The following LILRA5 variants were observed in gnomAD, a reference collection of about 807,000 sequenced individuals.
LILRA5 encodes leukocyte immunoglobulin-like receptor subfamily A member 5.
Under a neutral mutation model 36.3 loss-of-function variants are expected in LILRA5, and 31 were observed. The ratio of observed to expected loss-of-function variants is 0.85; its 90% CI spans 0.64 to 1.15. LILRA5 has a LOEUF of 1.15. LILRA5 is among the 50% of genes most tolerant of loss of function. The probability of loss-of-function intolerance (pLI) is 0.00; values close to 1 mark genes in which losing one functional copy is unlikely to be tolerated. For missense variants in LILRA5, 348 were observed against 377.4 expected, an observed-to-expected ratio of 0.92 and a Z score of 0.64; for synonymous variants, 144 against 144.8, an observed-to-expected ratio of 0.99 and a Z score of 0.04.
At chr19:54,308,391 ATATATATATATATATATG>A (rs2080939704) in intron 5 of LILRA5, 3 of 83,032 alleles carry the variant, frequency 3.6e-5, no homozygotes, top group Non-Finnish European at 7.1e-5. Flanking sequence ...ATATATATAT[ATATATATATATATATATG>A]GTGTTACAGA....
chr19:54,308,901 C>T (rs1011422462), intron 5 of LILRA5: 1 of 151,952 alleles, frequency 6.6e-6, no homozygotes, highest in African/African-American at 2.4e-5. Flanking sequence ...TATAACCATA[C>T]ATAAATATGT....
At position 54,308,466 on chromosome 19, in the gene LILRA5, T is replaced by A. The variant is rs371081761; in HGVS notation, c.713-718A>T. The A allele has an allele frequency of 2.7e-3, 393 of 146,194 alleles. 2 individuals carry two copies. Among genetic ancestry groups the A allele is most frequent in the African/African-American group, 9.5e-3 (382 of 40,250 alleles). The allele number at this position is 146,194 out of a possible 1,614,324, so 9.1% of individuals were successfully genotyped here. A position where few individuals can be genotyped will look rare whatever the true frequency, so the allele number is the denominator to read the frequency against. ...TTTTAGGGCCAGGCGTGGTGGCTCA[T>A]GCCTGTAATCCCAGCACTTTGGGAG... is the stretch of plus-strand genomic sequence containing the variant. On this transcript the variant is annotated intron_variant, in intron 5 of 6. Coordinates refer to ENST00000432233, the MANE Select transcript of LILRA5 (RefSeq NM_021250.4).
intron 5 of LILRA5, chr19:54,310,188 C>T: frequency 6.0e-6 from 1 of 166,604 alleles, no homozygotes; most frequent in Non-Finnish European, 1.3e-5. Flanking sequence ...TCCGTCTGTC[C>T]TCTCTCCAAC....
chr19:54,308,305 G>A (rs1412371133), intron 5 of LILRA5: 3 of 127,144 alleles, frequency 2.4e-5, no homozygotes, highest in Non-Finnish European at 4.8e-5. Context: ...ATATACGTAT[G>A]TATATAAATG....
At position 54,313,079 on chromosome 19, in the gene LILRA5, C is replaced by A. The variant is rs1405094004; in HGVS notation, c.-60G>T. ...GGAAGATGCAGGTCCATGCCACAGG[C>A]AGACTCAGATCAGCAGAGACACATC... is the stretch of plus-strand genomic sequence containing the variant. On this transcript the variant is annotated 5_prime_UTR_variant, in exon 1 of 7. Coordinates refer to ENST00000432233, the MANE Select transcript of LILRA5 (RefSeq NM_021250.4). 3 of 1,484,238 alleles carry A rather than the reference C, an allele frequency of 2.0e-6. No homozygotes were observed. Among genetic ancestry groups the A allele is most frequent in the East Asian group, 2.3e-5 (1 of 44,428 alleles). 91.9% of individuals were successfully genotyped at this position (1,484,238 alleles called of 1,614,324 possible). A position where few individuals can be genotyped will look rare whatever the true frequency, so the allele number is the denominator to read the frequency against.
intron 5 of LILRA5, chr19:54,308,365 ATATAT>A (rs2080932732): frequency 4.6e-5 from 1 of 21,902 alleles, no homozygotes; most frequent in African/African-American, 3.0e-4. Context: ...ATATATATAT[ATATAT>A]ATATATATAT....
chr19:54,311,462 G>C lies in LILRA5; in HGVS notation c.664C>G (p.Leu222Val). Residue 222 changes from leucine (L) to valine (V), a missense_variant, in exon 5 of 7, where the codon CTG becomes GTG. Leu to Val is a conservative substitution (Grantham distance 32). Coordinates refer to ENST00000432233, the MANE Select transcript of LILRA5 (RefSeq NM_021250.4). Reference protein sequence around the residue: ...LRCYGSRRHILQVWSEPSDLL... With the variant: ...LRCYGSRRHIVQVWSEPSDLL... ...TCACTGGGTTCTGACCATACCTGCAGGATATGCCTGCGAGAGCCATAGCAT... is the reference window on the plus strand; with the variant it reads ...TCACTGGGTTCTGACCATACCTGCACGATATGCCTGCGAGAGCCATAGCAT... 1 of 1,614,158 alleles carries C rather than the reference G, an allele frequency of 6.2e-7. No homozygotes were observed. Among genetic ancestry groups the C allele is most frequent in the Non-Finnish European group, 8.5e-7 (1 of 1,180,018 alleles).
intron 5 of LILRA5, chr19:54,307,950 G>T (rs2080914243): frequency 3.4e-6 from 2 of 589,882 alleles, no homozygotes; most frequent in African/African-American, 3.7e-5. Flanking sequence ...TTTGTTCTTT[G>T]AATTTAAACT....
intron 4 of LILRA5, 68 bp downstream of exon 4, chr19:54,311,796 C>T: frequency 6.2e-7 from 1 of 1,612,092 alleles, no homozygotes. Flanking sequence ...GAAAGGGAGA[C>T]ACCCCTGAGA....
Position 54,311,507 on chromosome 19 carries a change from T to G in LILRA5, c.619A>C (p.Ser207Arg). 6.2e-7 allele frequency: 1 copy of G among 1,614,124 alleles called. No homozygotes were observed. The highest frequency in any genetic ancestry group is 2.2e-5 in the East Asian group (1 of 44,880). The part of the protein sequence containing the change: ...ALFPVGPVTP[S>R]HRWMLRCYGS... ...TAGCATCTGAGCATCCACCTGTGGC[T>G]GGGGGTCACAGGGCCCACAGGGAAC... is the stretch of plus-strand genomic sequence containing the variant. Residue 207 changes from serine to arginine, a missense_variant, in exon 5 of 7, where the codon AGC becomes CGC. Ser to Arg is a moderately radical substitution (Grantham distance 110). Transcript: ENST00000432233.
Position 54,311,648 on chromosome 19 carries a change from G to T in LILRA5, c.478C>A (p.Leu160Ile), listed in dbSNP as rs1380096934. 10 of 1,614,096 alleles carry T rather than the reference G, an allele frequency of 6.2e-6. No homozygotes were observed. The highest frequency in any genetic ancestry group is 8.5e-6 in the Non-Finnish European group (10 of 1,180,046). ...AATCTCAGCCGTGAGCCACACTGGA[G>T]GGTCACGTTCTCTCCTGAGGTCACC... ...PVVTSGENVT[L>I]QCGSRLRFDR... The change falls in exon 5 of 7, where the codon CTC (leucine) becomes ATC (isoleucine). Residue 160 changes from leucine (L) to isoleucine (I), a missense_variant. Transcript: ENST00000432233.
Position 54,312,571 on chromosome 19 carries a change from G to T in LILRA5, c.54C>A (p.Ala18=), listed in dbSNP as rs201638249. Residue 18 remains alanine, a synonymous_variant, in exon 2 of 7, where the codon GCC becomes GCA. Transcript: ENST00000432233. ...GCAGAACCATGAGGGCAGGGCTCAC[G>T]GCGTCTCCTCCCACTGGCTGCAGCT... ...SAQLQPVGGD[A]VSPALMVLLC... 6.2e-7 allele frequency: 1 copy of T among 1,614,178 alleles called. No homozygotes were observed. The highest frequency in any genetic ancestry group is 1.3e-5 in the African/African-American group (1 of 75,040).
intron 5 of LILRA5, chr19:54,308,728 C>CAAAA (rs985892276): frequency 4.6e-5 from 7 of 151,962 alleles, no homozygotes; most frequent in Admixed American, 2.0e-4. Flanking sequence ...GACTCCATCT[C>CAAAA]AAACAAACAA....
intron 5 of LILRA5, chr19:54,310,973 TGA>T: frequency 1.1e-5 from 2 of 187,394 alleles, no homozygotes; most frequent in South Asian, 7.0e-5. Context: ...TTTTTTTTTT[TGA>T]GACAGAGTCT....
chr19:54,311,183 T>C (rs1418260303), intron 5 of LILRA5: 6 of 1,212,056 alleles, frequency 5.0e-6, no homozygotes, highest in Non-Finnish European at 6.6e-6. Flanking sequence ...CTTGAACTCC[T>C]GACATCAGGT....
chr19:54,308,010 G>C, intron 5 of LILRA5: 1 of 495,682 alleles, frequency 2.0e-6, no homozygotes, highest in East Asian at 3.4e-5. Flanking sequence ...TGAAAGCTCA[G>C]GATCTGCAAG....
chr19:54,308,371 ATAT>A (rs2080934449), intron 5 of LILRA5: 2 of 35,990 alleles, frequency 5.6e-5, no homozygotes, highest in Non-Finnish European at 9.2e-5. Context: ...ATATATATAT[ATAT>A]ATATATATAT....
rs1457498984 is a variant in LILRA5 at position 54,309,968 on chromosome 19, G to A, written c.712+1446C>T. The A allele has an allele frequency of 1.0e-5, 3 of 288,008 alleles. No homozygotes were observed. In the Admixed American group the frequency reaches 1.4e-4, roughly 13 times the overall value. The allele number at this position is 288,008 out of a possible 1,614,324, so 17.8% of individuals were successfully genotyped here. ...AGAGGCCTCCAGGTGAGCACAGGAG[G>A]GGCGGTGTGAGTGGTACCCACAGCT... On this transcript the variant is annotated intron_variant, in intron 5 of 6. Coordinates refer to ENST00000432233, the MANE Select transcript of LILRA5 (RefSeq NM_021250.4).
In LILRA5 at chr19:54,312,228, G is replaced by A. The variant is rs539695319; in HGVS notation, c.125-80C>T. ...CTCTCAGCCCCAGGACCCTCCAGAC[G>A]TCCCCATCAATCACCCAGAACTGCG... On this transcript the variant is annotated intron_variant, in intron 3 of 6. Transcript: ENST00000432233. 89 of 1,611,532 alleles carry A rather than the reference G, an allele frequency of 5.5e-5. No homozygotes were observed. The East Asian group carries it at 1.5e-3, about 27-fold the overall frequency.
Sources: allele counts gnomAD v4.1 joint callset, GRCh38; gene constraint gnomAD v4.1.1; transcripts MANE v1.5; gene names NCBI Gene and HGNC (gene_info 2026-07-23, HGNC 2026-07-21).